LRRC28: variants seen among roughly 807,000 people sequenced by gnomAD.
The protein encoded by LRRC28 is leucine-rich repeat-containing protein 28.
LRRC28 carries 39 observed loss-of-function variants against 45.7 expected under a neutral mutation model. That is an observed-to-expected ratio of 0.85 (90% CI 0.66 to 1.12). The LOEUF (loss-of-function observed/expected upper bound fraction) is 1.12, where lower values mean the gene tolerates loss of function less well. Ranked by LOEUF, LRRC28 falls within the 50% of genes most tolerant of loss-of-function variation. The probability of loss-of-function intolerance (pLI) is 0.00; values close to 1 mark genes in which losing one functional copy is unlikely to be tolerated. For synonymous variants in LRRC28, 206 were observed against 178.8 expected, an observed-to-expected ratio of 1.15 and a Z score of -1.22; for missense variants, 435 against 438.5, an observed-to-expected ratio of 0.99 and a Z score of 0.07.
chr15:99,322,653 C>T (rs1434618437), intron 5 of LRRC28, among the ~76,000 whole-genome samples: 4 of 152,038 alleles, frequency 2.6e-5, no homozygotes, highest in Admixed American at 2.0e-4. Context: ...ACTTTCTTAC[C>T]TGGAAAATTA....
chr15:99,384,179 G>A (rs1288179601), intron 9 of LRRC28: 1 of 152,164 alleles, frequency 6.6e-6, no homozygotes, highest in African/African-American at 2.4e-5. Flanking sequence ...ATGGTGGTGG[G>A]TCCTGAAAAG....
At chr15:99,368,016 C>T (rs1030378561) in intron 9 of LRRC28, among the ~76,000 whole-genome samples, 1 of 152,122 alleles carries the variant, frequency 6.6e-6, no homozygotes, top group African/African-American at 2.4e-5. Context: ...GAATGATACT[C>T]TAATCACTTA....
chr15:99,378,059 G>GT (rs1357880748), intron 9 of LRRC28, among the ~76,000 whole-genome samples: 3 of 152,186 alleles, frequency 2.0e-5, no homozygotes, highest in Non-Finnish European at 4.4e-5. Context: ...CTTTAAAGTA[G>GT]TTTTTTCCAA....
At chr15:99,252,993 G>T (rs2080893880) in intron 1 of LRRC28, among the ~76,000 whole-genome samples, 2 of 152,128 alleles carry the variant, frequency 1.3e-5, no homozygotes, top group South Asian at 4.1e-4. Context: ...AGGCTTTTTG[G>T]CTTTATTGAC....
At chr15:99,332,936 T>G (rs1209574119) in intron 5 of LRRC28, among the ~76,000 whole-genome samples, 1 of 151,822 alleles carries the variant, frequency 6.6e-6, no homozygotes. Flanking sequence ...GGGGAAACCT[T>G]AACCTAGGAG....
chr15:99,300,772 G>A (rs1489277097), intron 5 of LRRC28, among the ~76,000 whole-genome samples: 2 of 152,200 alleles, frequency 1.3e-5, no homozygotes, highest in East Asian at 1.9e-4. Context: ...GCTGCAGTGA[G>A]CCAAGATTGT....
intron 2 of LRRC28, among the ~76,000 whole-genome samples, chr15:99,274,750 C>T (rs779459248): frequency 5.3e-5 from 8 of 152,072 alleles, no homozygotes; most frequent in South Asian, 2.1e-4. Context: ...AAGATTTCTT[C>T]GGGAGTGCTG....
intron 5 of LRRC28, among the ~76,000 whole-genome samples, chr15:99,292,410 T>C (rs951497832): frequency 7.0e-5 from 10 of 143,138 alleles, no homozygotes; most frequent in African/African-American, 2.3e-4. Flanking sequence ...CAGGCCGGAC[T>C]GCGGACTGCA....
chr15:99,333,728 G>T, intron 5 of LRRC28, 195 bp from the exon 6 acceptor site: 2 of 616,550 alleles, frequency 3.2e-6, no homozygotes, highest in South Asian at 4.1e-5. Context: ...AGAAATGTTG[G>T]CAGGGTAATT....
intron 5 of LRRC28, among the ~76,000 whole-genome samples, chr15:99,302,248 C>T (rs1955004834): frequency 6.6e-6 from 1 of 152,006 alleles, no homozygotes; most frequent in Non-Finnish European, 1.5e-5. Context: ...AGGATGGTCT[C>T]GATCTCCTGA....
chr15:99,317,435 T>A (rs995120675), intron 5 of LRRC28: 3 of 152,200 alleles, frequency 2.0e-5, no homozygotes, highest in African/African-American at 7.2e-5. Context: ...GTAAACTGTA[T>A]AATGTATTGT....
intron 7 of LRRC28, among the ~76,000 whole-genome samples, chr15:99,358,937 G>A (rs1050141592): frequency 1.3e-5 from 2 of 151,982 alleles, no homozygotes; most frequent in Non-Finnish European, 2.9e-5. Flanking sequence ...CTAACCGGAC[G>A]TGGTGGCGGG....
intron 7 of LRRC28, among the ~76,000 whole-genome samples, chr15:99,357,009 C>G (rs1957064878): frequency 6.6e-6 from 1 of 152,194 alleles, no homozygotes; most frequent in Non-Finnish European, 1.5e-5. Flanking sequence ...AAGGTTTATT[C>G]TTTCTAGGTG....
At chr15:99,334,524 T>A (rs982962497) in intron 6 of LRRC28, among the ~76,000 whole-genome samples, 1 of 152,026 alleles carries the variant, frequency 6.6e-6, no homozygotes, top group South Asian at 2.1e-4. Context: ...GAAAAATTGG[T>A]ATTGGGTATC....
rs140873510 is a variant in LRRC28, at chr15:99,363,198, A to G, written c.964A>G (p.Met322Val). Residue 322 changes from methionine to valine, a missense_variant, in exon 9 of 10, where the codon ATG (methionine) becomes GTG (valine). Coordinates refer to ENST00000301981, the MANE Select transcript of LRRC28 (RefSeq NM_144598.5). ...GCACTGTCATCGGTGTAGTGAGCCT[A>G]TGTTTACCATCGTCTACCCCAAGCT... The part of the protein sequence containing the change: ...LGHCHRCSEP[M>V]FTIVYPKLFP... 2.0e-5 allele frequency: 32 copies of G among 1,614,016 alleles called. No individual in the cohort carries two copies. The highest frequency in any genetic ancestry group is 1.7e-4 in the Middle Eastern group (1 of 6,060).
intron 5 of LRRC28, among the ~76,000 whole-genome samples, chr15:99,314,744 A>G (rs1176004711): frequency 6.6e-6 from 1 of 152,064 alleles, no homozygotes; most frequent in Non-Finnish European, 1.5e-5. Context: ...AAGTTCCTCT[A>G]TAAGATGTTT....
intron 5 of LRRC28, among the ~76,000 whole-genome samples, chr15:99,321,352 A>T (rs909591995): frequency 2.6e-5 from 4 of 152,174 alleles, no homozygotes; most frequent in Non-Finnish European, 5.9e-5. Context: ...TGCATGTTAC[A>T]TTTATTTCTG....
In LRRC28 at chr15:99,390,407, C is replaced by G. The variant is rs1224365966; in HGVS notation, c.*4305C>G. ...TTTCTGTATGTAATTAAGAGACTTT[C>G]AAGGGTTAGCCAGACTTTTTTCCAC... On this transcript the variant is annotated 3_prime_UTR_variant, in exon 10 of 10. Transcript: ENST00000301981. 1.5e-5 allele frequency: 2 copies of G among 132,716 alleles called. No individual in the cohort carries two copies. The highest frequency in any genetic ancestry group is 7.3e-5 in the African/African-American group (2 of 27,470). 8.2% of individuals were successfully genotyped at this position (132,716 alleles called of 1,614,324 possible).
chr15:99,342,847 G>GT (rs1379057387), intron 6 of LRRC28, among the ~76,000 whole-genome samples: 1 of 152,188 alleles, frequency 6.6e-6, no homozygotes, highest in Non-Finnish European at 1.5e-5. Flanking sequence ...TCACTGTGAA[G>GT]TCTTATTTTG....
Sources: allele counts gnomAD v4.1 joint callset (sites outside exome capture counted in the v4.1 genomes callset), GRCh38; gene constraint gnomAD v4.1.1; transcripts MANE v1.5; gene names NCBI Gene and HGNC (gene_info 2026-07-23, HGNC 2026-07-21).